Variants in TMEM178B observed in about 807,000 individuals in gnomAD.
TMEM178B encodes transmembrane protein 178B.
In TMEM178B, 5 loss-of-function variants were observed where a neutral mutation model predicts 31.0. The ratio of observed to expected loss-of-function variants is 0.16; its 90% CI spans 0.08 to 0.34. The LOEUF (loss-of-function observed/expected upper bound fraction) is 0.34. Ranked by LOEUF, TMEM178B falls within the 10% of genes least tolerant of loss-of-function variation. TMEM178B has a pLI of 1.00. For synonymous variants in TMEM178B, 164 were observed against 164.0 expected, an observed-to-expected ratio of 1.00 and a Z score of 0.00; for missense variants, 275 against 400.3, an observed-to-expected ratio of 0.69 and a Z score of 2.67.
At chr7:141,410,153 T>C (rs1563174684) in intron 2 of TMEM178B, among the ~76,000 whole-genome samples, 1 of 152,236 alleles carries the variant, frequency 6.6e-6, no homozygotes, top group Non-Finnish European at 1.5e-5. Context: ...AAAAGGGGCA[T>C]GTGTTTCTAT....
In TMEM178B at chr7:141,473,098, G is replaced by A. The variant is rs1199135731; in HGVS notation, c.*2312G>A. The A allele has an allele frequency of 1.3e-5, 2 of 152,118 alleles. No individual in the cohort carries two copies. Among genetic ancestry groups the A allele is most frequent in the Non-Finnish European group, 2.9e-5 (2 of 68,020 alleles). The allele number at this position is 152,118 out of a possible 1,614,324, so 9.4% of individuals were successfully genotyped here. ...TCTAAGGATTATTTTTAAAACAAAG[G>A]ATTTATTCTATGAGAAGGGAAATAA... On this transcript the variant is annotated 3_prime_UTR_variant, in exon 4 of 4. Coordinates refer to ENST00000565468, the MANE Select transcript of TMEM178B (RefSeq NM_001195278.2).
chr7:141,227,273 A>G (rs1476125593), intron 2 of TMEM178B, among the ~76,000 whole-genome samples: 1 of 152,210 alleles, frequency 6.6e-6, no homozygotes. Flanking sequence ...TCTGAAAGGA[A>G]CCTAAAATAC....
chr7:141,481,158 T>A (rs1563194424), downstream of TMEM178B, among the ~76,000 whole-genome samples: 1 of 152,244 alleles, frequency 6.6e-6, no homozygotes, highest in East Asian at 1.9e-4. Context: ...TGGCGCTGCT[T>A]CTGCCGCCAC....
chr7:141,164,975 T>C (rs990892867), intron 1 of TMEM178B, among the ~76,000 whole-genome samples: 10 of 152,196 alleles, frequency 6.6e-5, no homozygotes, highest in African/African-American at 2.4e-4. Context: ...CTCTTCCTTT[T>C]TGAAAGACAT....
At chr7:141,212,903 T>C in intron 2 of TMEM178B, 199 bp downstream of exon 2, 1 of 510,260 alleles carries the variant, frequency 2.0e-6, no homozygotes, top group Non-Finnish European at 3.5e-6. Context: ...AGTTTGCTTC[T>C]AAAATTAAAG....
intron 2 of TMEM178B, among the ~76,000 whole-genome samples, chr7:141,400,455 C>T (rs976966326): frequency 6.6e-6 from 1 of 152,104 alleles, no homozygotes; most frequent in South Asian, 2.1e-4. Context: ...CAGTTCTGCC[C>T]TTCTTTTTCC....
chr7:141,491,030 C>CTT, the TMEM178B span, among the ~76,000 whole-genome samples: 6 of 151,960 alleles, frequency 3.9e-5, no homozygotes, highest in African/African-American at 1.4e-4. Flanking sequence ...TTATTTTTTA[C>CTT]TTTTTTATTT....
intron 2 of TMEM178B, among the ~76,000 whole-genome samples, chr7:141,270,479 A>G (rs1321938877): frequency 6.6e-6 from 1 of 152,160 alleles, no homozygotes; most frequent in Non-Finnish European, 1.5e-5. Flanking sequence ...AGATTCATGT[A>G]ATGTAGTAAT....
intron 2 of TMEM178B, among the ~76,000 whole-genome samples, chr7:141,224,782 G>T (rs1797313495): frequency 2.0e-5 from 3 of 152,216 alleles, no homozygotes; most frequent in African/African-American, 7.2e-5. Context: ...GTCAGGCTGG[G>T]ATGTGGGTGC....
intron 2 of TMEM178B, among the ~76,000 whole-genome samples, chr7:141,406,870 C>T (rs1800895113): frequency 6.6e-6 from 1 of 152,172 alleles, no homozygotes; most frequent in African/African-American, 2.4e-5. Flanking sequence ...GAATTCGCAC[C>T]TCCAGGTTGC....
intron 2 of TMEM178B, among the ~76,000 whole-genome samples, chr7:141,433,131 T>A (rs1231712242): frequency 6.6e-6 from 1 of 152,246 alleles, no homozygotes; most frequent in Non-Finnish European, 1.5e-5. Context: ...GACCCTCACC[T>A]GTTGATCTCC....
At chr7:141,349,962 TCCA>T in intron 2 of TMEM178B, among the ~76,000 whole-genome samples, 1 of 112,316 alleles carries the variant, frequency 8.9e-6, no homozygotes, top group Non-Finnish European at 2.0e-5. Context: ...CATGCATCCA[TCCA>T]TCCATCCATC....
chr7:141,116,407 A>T (rs887999235), intron 1 of TMEM178B, among the ~76,000 whole-genome samples: 4 of 152,172 alleles, frequency 2.6e-5, no homozygotes, highest in Admixed American at 1.3e-4. Flanking sequence ...ACCAAGAGGG[A>T]TGCTAGATTC....
chr7:141,084,621 T>A (rs1181241429), intron 1 of TMEM178B, among the ~76,000 whole-genome samples: 2 of 152,246 alleles, frequency 1.3e-5, no homozygotes, highest in Middle Eastern at 6.8e-3. Context: ...GAGAGAGATT[T>A]GTGGATTGAT....
intron 1 of TMEM178B, among the ~76,000 whole-genome samples, chr7:141,097,104 A>G (rs1208122549): frequency 1.3e-5 from 2 of 149,734 alleles, no homozygotes; most frequent in Non-Finnish European, 3.0e-5. Flanking sequence ...AAAAAAAAAA[A>G]TTCTTAGCGA....
intron 2 of TMEM178B, among the ~76,000 whole-genome samples, chr7:141,385,352 G>A (rs963893617): frequency 6.6e-6 from 1 of 152,176 alleles, no homozygotes; most frequent in Non-Finnish European, 1.5e-5. Context: ...CCATAAGATG[G>A]TCTGCTCTAG....
chr7:141,329,764 C>T (rs1009611346), intron 2 of TMEM178B, among the ~76,000 whole-genome samples: 3 of 152,142 alleles, frequency 2.0e-5, no homozygotes, highest in Admixed American at 6.5e-5. Context: ...GTTAATTAAA[C>T]AAGTATCAAG....
chr7:141,160,681 G>A (rs1796154752), intron 1 of TMEM178B, among the ~76,000 whole-genome samples: 1 of 152,144 alleles, frequency 6.6e-6, no homozygotes, highest in African/African-American at 2.4e-5. Context: ...TGGGGCATAT[G>A]TTCTGCACCG....
In TMEM178B at chr7:141,192,896, CA is replaced by C. The variant is rs748517770; in HGVS notation, c.383-19694del. 3.4e-4 allele frequency among the ~76,000 whole-genome samples: 52 copies of C among 152,328 alleles called. 1 individual carries two copies. Among genetic ancestry groups the C allele is most frequent in the Middle Eastern group, 3.4e-3 (1 of 294 alleles). On this transcript the variant is annotated intron_variant, in intron 1 of 3. Transcript: ENST00000565468. The stretch of plus-strand genomic sequence containing the variant: ...ATGTGCGTTTTGAAGTCCTAATTCC[CA>C]GGGGGGAGGCATCTTATGATTTGAT...
Sources: allele counts gnomAD v4.1 joint callset (sites outside exome capture counted in the v4.1 genomes callset), GRCh38; gene constraint gnomAD v4.1.1; transcripts MANE v1.5; gene names NCBI Gene and HGNC (gene_info 2026-07-23, HGNC 2026-07-21).